The following FAM3C variants were observed in gnomAD, a reference collection of about 807,000 sequenced individuals.
FAM3C encodes the protein FAM3 metabolism regulating signaling molecule C, also known as protein FAM3C.
Under a neutral mutation model 32.5 loss-of-function variants are expected in FAM3C, and 15 were observed. The observed-to-expected ratio is 0.46, with a 90% confidence interval of 0.31 to 0.71. FAM3C has a LOEUF of 0.71. FAM3C is among the 30% of genes least tolerant of loss of function. The pLI is 0.05. For missense variants in FAM3C, 175 were observed against 274.4 expected, an observed-to-expected ratio of 0.64 and a Z score of 2.56; for synonymous variants, 75 against 86.1, an observed-to-expected ratio of 0.87 and a Z score of 0.72.
chr7:121,362,245 G>A (rs527672432), intron 7 of FAM3C, among the ~76,000 whole-genome samples: 1 of 152,276 alleles, frequency 6.6e-6, no homozygotes, highest in Non-Finnish European at 1.5e-5. Flanking sequence ...CCTTGCCTCT[G>A]CGTGCTGGTA....
intron 1 of FAM3C, among the ~76,000 whole-genome samples, chr7:121,387,201 A>AT (rs1478057886): frequency 2.6e-5 from 4 of 151,836 alleles, no homozygotes; most frequent in African/African-American, 7.3e-5. Flanking sequence ...TATTCTTTTG[A>AT]TTTTTTTTCA....
intron 5 of FAM3C, among the ~76,000 whole-genome samples, chr7:121,369,616 T>G (rs891038220): frequency 6.6e-6 from 1 of 152,292 alleles, no homozygotes; most frequent in Admixed American, 6.5e-5. Flanking sequence ...CTAAGCCCAG[T>G]ATGTATTTTA....
intron 1 of FAM3C, among the ~76,000 whole-genome samples, chr7:121,387,040 C>A (rs1794479220): frequency 6.6e-6 from 1 of 152,092 alleles, no homozygotes; most frequent in African/African-American, 2.4e-5. Context: ...ATGGACCATA[C>A]AATCTCTACT....
intron 8 of FAM3C, among the ~76,000 whole-genome samples, chr7:121,352,319 G>GTT (rs34520973): frequency 0.12 from 18,180 of 151,944 alleles, 1,421 homozygotes; most frequent in Non-Finnish European, 0.18. Context: ...TACTCTTATG[G>GTT]TTTTTTTAAA....
At chr7:121,385,223 C>T (rs1002712340) in intron 1 of FAM3C, among the ~76,000 whole-genome samples, 10 of 151,922 alleles carry the variant, frequency 6.6e-5, no homozygotes, top group Admixed American at 5.9e-4. Flanking sequence ...CTTACCAAAA[C>T]CAGAAAATGA....
chr7:121,385,944 GGTAA>G (rs546833487), intron 1 of FAM3C, among the ~76,000 whole-genome samples: 3 of 152,078 alleles, frequency 2.0e-5, no homozygotes, highest in Admixed American at 6.6e-5. Flanking sequence ...TCACATGAAG[GGTAA>G]GTAAGAAGCT....
chr7:121,365,632 C>T (rs546594686), intron 5 of FAM3C, among the ~76,000 whole-genome samples: 67 of 151,944 alleles, frequency 4.4e-4, no homozygotes, highest in African/African-American at 1.4e-3. Flanking sequence ...AAAATGAAAA[C>T]AAATAATAAA....
At chr7:121,379,077 T>TAGAA in intron 2 of FAM3C, 63 bp from the exon 3 acceptor site, 2 of 887,366 alleles carry the variant, frequency 2.3e-6, no homozygotes, top group South Asian at 1.7e-5. Flanking sequence ...TTTGCATTTC[T>TAGAA]ATGAAAAATG....
chr7:121,352,754 A>G (rs1002757633), intron 8 of FAM3C, among the ~76,000 whole-genome samples: 1 of 152,238 alleles, frequency 6.6e-6, no homozygotes, highest in Non-Finnish European at 1.5e-5. Flanking sequence ...CTTTGGTGCT[A>G]GAGGGAAATG....
intron 7 of FAM3C, among the ~76,000 whole-genome samples, chr7:121,360,752 T>C (rs1793902938): frequency 6.6e-6 from 1 of 152,092 alleles, no homozygotes; most frequent in South Asian, 2.1e-4. Context: ...GAGAACTGCT[T>C]TGAGGCCAGG....
At chr7:121,380,733 T>TTATATATATA (rs66579763) in intron 2 of FAM3C, among the ~76,000 whole-genome samples, 1,798 of 133,946 alleles carry the variant, frequency 0.013, 38 homozygotes, top group African/African-American at 0.027. Context: ...TACAAACATT[T>TTATATATATA]TATATATATA....
At chr7:121,374,609 T>C (rs1313015113) in intron 3 of FAM3C, among the ~76,000 whole-genome samples, 1 of 152,208 alleles carries the variant, frequency 6.6e-6, no homozygotes, top group Non-Finnish European at 1.5e-5. Flanking sequence ...AAGATAACCA[T>C]ATATCCATCT....
At chr7:121,382,814 C>T in intron 2 of FAM3C, 143 bp downstream of exon 2, 1 of 611,436 alleles carries the variant, frequency 1.6e-6, no homozygotes, top group South Asian at 3.2e-5. Flanking sequence ...TTGCCAACTA[C>T]CTAAAAACAA....
At chr7:121,384,538 C>G (rs1170113117) in intron 1 of FAM3C, among the ~76,000 whole-genome samples, 5 of 152,138 alleles carry the variant, frequency 3.3e-5, no homozygotes, top group Non-Finnish European at 5.9e-5. Flanking sequence ...GTGTGATAAG[C>G]AGTTACGCAC....
At chr7:121,386,183 C>A (rs141155766) in intron 1 of FAM3C, among the ~76,000 whole-genome samples, 1 of 152,086 alleles carries the variant, frequency 6.6e-6, no homozygotes, top group South Asian at 2.1e-4. Context: ...GAAAATTAAA[C>A]GTACAAATAC....
Position 121,377,882 on chromosome 7 carries a change from A to G in FAM3C, c.118+1028T>C, listed in dbSNP as rs1198029417. 2.0e-5 allele frequency among the ~76,000 whole-genome samples: 3 copies of G among 152,214 alleles called. No homozygotes were observed. In the East Asian group the frequency reaches 5.8e-4, roughly 29 times the overall value. ...TAGGCTATACCATCTAGATTTGTGTAAGTACACTCTATGATGTTCTCACAA... is the reference window on the plus strand; with the variant it reads ...TAGGCTATACCATCTAGATTTGTGTGAGTACACTCTATGATGTTCTCACAA... On this transcript the variant is annotated intron_variant, in intron 3 of 9. Transcript: ENST00000359943.
At chr7:121,351,758 A>G (rs1793709889) in intron 8 of FAM3C, among the ~76,000 whole-genome samples, 1 of 152,234 alleles carries the variant, frequency 6.6e-6, no homozygotes. Context: ...GAATTTTGAG[A>G]ACAGATATAT....
chr7:121,371,998 C>T, intron 4 of FAM3C, 112 bp downstream of exon 4: 1 of 733,340 alleles, frequency 1.4e-6, no homozygotes, highest in Non-Finnish European at 2.2e-6. Flanking sequence ...CTTTAAAAAG[C>T]AATTTCTAAA....
chr7:121,381,656 CCACACACACACACACACACACACACA>C (rs67277678), intron 2 of FAM3C, among the ~76,000 whole-genome samples: 1 of 142,240 alleles, frequency 7.0e-6, no homozygotes, highest in African/African-American at 2.6e-5. Context: ...CAAAGAACAT[CCACACACACACACACACACACACACA>C]CACACACACG....
Sources: gnomAD v4.1 joint callset for allele counts (sites outside exome capture counted in the v4.1 genomes callset) on GRCh38, gnomAD v4.1.1 for gene constraint, MANE v1.5 for transcripts, NCBI Gene and HGNC (gene_info 2026-07-23, HGNC 2026-07-21) for gene names.